Variants in DNAJC21 observed in about 807,000 individuals in gnomAD.
DNAJC21 encodes the protein DnaJ heat shock protein family (Hsp40) member C21, also known as dnaJ homolog subfamily C member 21.
DNAJC21 carries 63 observed loss-of-function variants against 72.4 expected under a neutral mutation model. That is an observed-to-expected ratio of 0.87 (90% CI 0.71 to 1.07). The LOEUF (loss-of-function observed/expected upper bound fraction) is 1.07, where lower values mean the gene tolerates loss of function less well. DNAJC21 is among the 50% of genes least tolerant of loss of function. The pLI, the probability that DNAJC21 is intolerant of heterozygous loss-of-function variation, is 0.00. For synonymous variants in DNAJC21, 203 were observed against 216.7 expected (o/e 0.94, Z 0.56); for missense variants, 634 against 644.8 (o/e 0.98, Z 0.18).
In DNAJC21 at chr5:34,958,087, C is replaced by G. The variant is rs1259452182; in HGVS notation, c.*3373C>G. 1 of 152,192 alleles carries G rather than the reference C, an allele frequency of 6.6e-6. No homozygotes were observed. Among genetic ancestry groups the G allele is most frequent in the African/African-American group, 2.4e-5 (1 of 41,434 alleles). The allele number at this position is 152,192 out of a possible 1,614,324, so 9.4% of individuals were successfully genotyped here. Reference sequence around the variant, plus strand: ...TGGTTAGGGGCGGCTGCCAGTAGAACAGGGCAGATGCCTGGACTCCCAACT... The same window carrying G: ...TGGTTAGGGGCGGCTGCCAGTAGAAGAGGGCAGATGCCTGGACTCCCAACT... On this transcript the variant is annotated 3_prime_UTR_variant, in exon 12 of 12. Coordinates refer to ENST00000648817, the MANE Select transcript of DNAJC21 (RefSeq NM_001012339.3).
rs753146122 is a variant in DNAJC21 at position 34,938,940 on chromosome 5, GAGA to G, written c.829_831del (p.Lys277del). 8.7e-6 allele frequency: 14 copies of G among 1,614,098 alleles called. No homozygotes were observed. The highest frequency in any genetic ancestry group is 2.2e-5 in the East Asian group (1 of 44,880). ...GCTCCAGGAGATGGAGGCACGGTACGAGAAGGAGTTTGGAGATGGATCGGATGA... is the reference window on the plus strand; with the variant it reads ...GCTCCAGGAGATGGAGGCACGGTACGAGGAGTTTGGAGATGGATCGGATGA... On this transcript the variant is annotated inframe_deletion, in exon 6 of 12. Coordinates refer to ENST00000648817, the MANE Select transcript of DNAJC21 (RefSeq NM_001012339.3).
intron 7 of DNAJC21, among the ~76,000 whole-genome samples, chr5:34,944,311 A>G (rs1765098798): frequency 2.0e-5 from 3 of 152,176 alleles, no homozygotes; most frequent in Admixed American, 1.3e-4. Context: ...AAGAGGCAGT[A>G]AACTGCTCTT....
chr5:34,954,026 T>C, intron 11 of DNAJC21, 25 bp downstream of exon 11: 1 of 1,579,956 alleles, frequency 6.3e-7, no homozygotes, highest in Non-Finnish European at 8.6e-7. Context: ...TATTCATATC[T>C]CTTTAGCATA....
rs1205688390 is a variant in DNAJC21 at position 34,944,856 on chromosome 5, T to G, written c.984-11T>G. ...TTTAGCGCAGCTGCTCACGTCAGATTGCTCTTTCAGCATGAAGAATCACGA... is the reference window on the plus strand; with the variant it reads ...TTTAGCGCAGCTGCTCACGTCAGATGGCTCTTTCAGCATGAAGAATCACGA... On this transcript the variant is annotated splice_polypyrimidine_tract_variant and intron_variant, in intron 7 of 11. Coordinates refer to ENST00000648817, the MANE Select transcript of DNAJC21 (RefSeq NM_001012339.3). The G allele has an allele frequency of 1.9e-6, 3 of 1,614,098 alleles. No individual in the cohort carries two copies. In the Admixed American group the frequency reaches 5.0e-5, roughly 27 times the overall value.
chr5:34,932,591 T>G (rs1237559553), intron 1 of DNAJC21, among the ~76,000 whole-genome samples: 1 of 152,168 alleles, frequency 6.6e-6, no homozygotes, highest in African/African-American at 2.4e-5. Context: ...ACTCCCACAG[T>G]TTCTAAGGAT....
intron 10 of DNAJC21, chr5:34,950,957 GGA>G: frequency 1.0e-6 from 1 of 981,822 alleles, no homozygotes; most frequent in South Asian, 4.8e-5. Context: ...TATTTCTTGA[GGA>G]AAGATCTGAT....
intron 7 of DNAJC21, 45 bp downstream of exon 7, chr5:34,941,228 C>G: frequency 6.5e-7 from 1 of 1,544,158 alleles, no homozygotes; most frequent in Non-Finnish European, 8.9e-7. Context: ...GACAGGGTCT[C>G]ACTCTGTCAC....
At chr5:34,934,299 G>T (rs2112026028) in intron 2 of DNAJC21, among the ~76,000 whole-genome samples, 1 of 152,010 alleles carries the variant, frequency 6.6e-6, no homozygotes, top group African/African-American at 2.4e-5. Flanking sequence ...CGCAATCTCA[G>T]CTCACTGCAA....
rs1764812018 is a variant in DNAJC21 at position 34,937,324 on chromosome 5, A to G, written c.439-2A>G. ...AAGTTAATCTGTTTTCTTTGTCACTAGGTAGTCCATCCTTTCTACGCTTAT... is the reference window on the plus strand; with the variant it reads ...AAGTTAATCTGTTTTCTTTGTCACTGGGTAGTCCATCCTTTCTACGCTTAT... On this transcript the variant is annotated splice_acceptor_variant, in intron 4 of 11. Transcript: ENST00000648817. LOFTEE classifies it high-confidence loss of function. The G allele has an allele frequency of 1.2e-6, 2 of 1,603,276 alleles. No homozygotes were observed. Among genetic ancestry groups the G allele is most frequent in the African/African-American group, 1.3e-5 (1 of 74,110 alleles).
chr5:34,956,746 AAATC>A lies in DNAJC21; in HGVS notation c.*2035_*2038del, dbSNP rs745900719. ...GTGTCGCTTTTATTCGGATTGACGA[AAATC>A]AACCATAATTTTCAAGGGATCTTCA... is the stretch of plus-strand genomic sequence containing the variant. On this transcript the variant is annotated 3_prime_UTR_variant, in exon 12 of 12. Coordinates refer to ENST00000648817, the MANE Select transcript of DNAJC21 (RefSeq NM_001012339.3). 2 of 152,200 alleles carry A rather than the reference AAATC, an allele frequency of 1.3e-5. No individual in the cohort carries two copies. The highest frequency in any genetic ancestry group is 2.9e-5 in the Non-Finnish European group (2 of 68,030). The allele number at this position is 152,200 out of a possible 1,614,324, so 9.4% of individuals were successfully genotyped here. A position where few individuals can be genotyped will look rare whatever the true frequency, so the allele number is the denominator to read the frequency against.
intron 5 of DNAJC21, 46 bp from the exon 6 acceptor site, chr5:34,938,812 T>C (rs1480048480): frequency 6.5e-7 from 1 of 1,528,946 alleles, no homozygotes; most frequent in South Asian, 1.3e-5. Flanking sequence ...GTGAAAACCA[T>C]GCAGAGGCGT....
rs924169357 is a variant in DNAJC21, at chr5:34,955,525, A to G, written c.*811A>G. On this transcript the variant is annotated 3_prime_UTR_variant, in exon 12 of 12. Transcript: ENST00000648817. ...TCTTCATTGAGTTTTTTTCTTCACT[A>G]TTTTCAGAAGTTTTTGTTCTTTTTT... 7.4e-5 allele frequency: 10 copies of G among 135,974 alleles called. No homozygotes were observed. Among genetic ancestry groups the G allele is most frequent in the African/African-American group, 2.4e-4 (9 of 38,114 alleles). The allele number at this position is 135,974 out of a possible 1,614,324, so 8.4% of individuals were successfully genotyped here.
At chr5:34,946,223 A>G (rs917361166) in intron 9 of DNAJC21, among the ~76,000 whole-genome samples, 2 of 152,166 alleles carry the variant, frequency 1.3e-5, no homozygotes, top group African/African-American at 2.4e-5. Context: ...ACATTTGGTT[A>G]GAAACTTGTA....
Position 34,929,794 on chromosome 5 carries a change from G to A in DNAJC21, c.-26G>A, listed in dbSNP as rs760436718. 12 of 1,321,782 alleles carry A rather than the reference G, an allele frequency of 9.1e-6. No homozygotes were observed. The highest frequency in any genetic ancestry group is 5.8e-4 in the Middle Eastern group (2 of 3,434). The allele number at this position is 1,321,782 out of a possible 1,614,324, so 81.9% of individuals were successfully genotyped here. On this transcript the variant is annotated 5_prime_UTR_variant, in exon 1 of 12. Transcript: ENST00000648817. ...GGCCCCGACCCCGTCCCGGGCCCCA[G>A]CGCCGGCCGCCCGCCCGGTCGGGCG...
intron 2 of DNAJC21, among the ~76,000 whole-genome samples, chr5:34,934,271 C>T (rs140642481): frequency 1.1e-3 from 170 of 152,230 alleles, no homozygotes; most frequent in African/African-American, 4.0e-3. Context: ...CTCTGTCACC[C>T]AGGCTGGAGT....
intron 2 of DNAJC21, among the ~76,000 whole-genome samples, chr5:34,934,708 T>C (rs1252320328): frequency 6.6e-6 from 1 of 152,208 alleles, no homozygotes; most frequent in African/African-American, 2.4e-5. Context: ...ATTAACTTTT[T>C]GCTACAAGGA....
intron 11 of DNAJC21, 152 bp downstream of exon 11, chr5:34,954,153 C>T (rs1765465083): frequency 6.7e-6 from 4 of 594,478 alleles, no homozygotes; most frequent in Non-Finnish European, 1.1e-5. Context: ...TATAATGTAT[C>T]TTTTTTTTTC....
At chr5:34,938,348 T>G (rs954217341) in intron 5 of DNAJC21, among the ~76,000 whole-genome samples, 4 of 152,186 alleles carry the variant, frequency 2.6e-5, no homozygotes, top group Admixed American at 6.5e-5. Flanking sequence ...AGTCAGGAAT[T>G]GAACCTGAGA....
chr5:34,953,662 T>G (rs1765449325), intron 10 of DNAJC21: 1 of 352,324 alleles, frequency 2.8e-6, no homozygotes, highest in African/African-American at 2.1e-5. Context: ...AGAGATATTT[T>G]AAGGACCTTG....
Sources: gnomAD v4.1 joint callset for allele counts (sites outside exome capture counted in the v4.1 genomes callset) on GRCh38, gnomAD v4.1.1 for gene constraint, MANE v1.5 for transcripts, NCBI Gene and HGNC (gene_info 2026-07-23, HGNC 2026-07-21) for gene names.